The following NPSR1 variants were observed in gnomAD, a reference collection of about 807,000 sequenced individuals.
NPSR1 encodes the protein neuropeptide S receptor.
In NPSR1, 48 loss-of-function variants were observed where a neutral mutation model predicts 46.9. The ratio of observed to expected loss-of-function variants is 1.02; its 90% CI spans 0.81 to 1.30. The LOEUF is 1.30. Ranked by LOEUF, NPSR1 falls within the 50% of genes most tolerant of loss-of-function variation. The pLI is 0.00. For missense variants in NPSR1, 450 were observed against 449.5 expected (o/e 1.00, Z -0.01); for synonymous variants, 176 against 168.1 (o/e 1.05, Z -0.36).
rs777095954 is a variant in NPSR1, at chr7:34,849,688, C to T, written c.*33C>T. ...GGCAGTGCCAGTGCTAGGCTGAGCA[C>T]CATCAGCTCTCCCAGGTCCTTGTCA... On this transcript the variant is annotated 3_prime_UTR_variant, in exon 9 of 9. Transcript: ENST00000360581. The T allele has an allele frequency of 9.3e-6, 15 of 1,610,694 alleles. No individual in the cohort carries two copies. In the South Asian group the frequency reaches 1.7e-4, roughly 18 times the overall value.
At chr7:34,756,347 T>C (rs1245148678) in intron 2 of NPSR1, among the ~76,000 whole-genome samples, 1 of 152,222 alleles carries the variant, frequency 6.6e-6, no homozygotes, top group Non-Finnish European at 1.5e-5. Flanking sequence ...CATGGCAGTT[T>C]AATAATTCCC....
intron 2 of NPSR1, chr7:34,710,842 T>C: frequency 2.0e-6 from 1 of 503,898 alleles, no homozygotes; most frequent in South Asian, 1.6e-5. Flanking sequence ...GAGCTGAAGA[T>C]CAAGCACCTG....
chr7:34,717,881 G>A (rs938153401), intron 2 of NPSR1, among the ~76,000 whole-genome samples: 3 of 152,120 alleles, frequency 2.0e-5, no homozygotes, highest in Non-Finnish European at 2.9e-5. Flanking sequence ...AAGTCAAATC[G>A]CTGCCCTTCT....
chr7:34,793,445 C>T (rs919948437), intron 3 of NPSR1, among the ~76,000 whole-genome samples: 8 of 151,968 alleles, frequency 5.3e-5, no homozygotes, highest in Admixed American at 2.6e-4. Flanking sequence ...AGAAGACATA[C>T]AAATGGGCAA....
chr7:34,665,506 A>T (rs1015756736), intron 1 of NPSR1, among the ~76,000 whole-genome samples: 7 of 152,122 alleles, frequency 4.6e-5, no homozygotes, highest in African/African-American at 1.4e-4. Context: ...GGCCTTTCAC[A>T]TTCTGACCCA....
chr7:34,862,109 G>C (rs971892937), intron 8 of NPSR1, among the ~76,000 whole-genome samples: 2 of 151,696 alleles, frequency 1.3e-5, no homozygotes, highest in African/African-American at 4.9e-5. Flanking sequence ...CACTTCTCTT[G>C]ATGGTGGGGT....
At chr7:34,674,017 T>A (rs1792191313) in intron 1 of NPSR1, among the ~76,000 whole-genome samples, 1 of 151,516 alleles carries the variant, frequency 6.6e-6, no homozygotes, top group Admixed American at 6.6e-5. Flanking sequence ...AGCAGGGGAG[T>A]GGAGGAGAGA....
chr7:34,714,095 A>C (rs1783434447), intron 2 of NPSR1, among the ~76,000 whole-genome samples: 1 of 152,218 alleles, frequency 6.6e-6, no homozygotes, highest in African/African-American at 2.4e-5. Context: ...CACTGTTGGC[A>C]CTGGTGCCAG....
chr7:34,714,124 G>A (rs1783437346), intron 2 of NPSR1, among the ~76,000 whole-genome samples: 1 of 152,236 alleles, frequency 6.6e-6, no homozygotes, highest in East Asian at 1.9e-4. Flanking sequence ...TGGAAGTCTG[G>A]CAAAGATCGC....
At chr7:34,869,875 A>T (rs1791409858) in intron 8 of NPSR1, among the ~76,000 whole-genome samples, 3 of 151,608 alleles carry the variant, frequency 2.0e-5, no homozygotes, top group South Asian at 4.1e-4. Flanking sequence ...TCTCTTCCCT[A>T]CTCTGCATTC....
chr7:34,679,446 G>A (rs912980038), intron 1 of NPSR1, among the ~76,000 whole-genome samples: 4 of 152,012 alleles, frequency 2.6e-5, no homozygotes, highest in South Asian at 2.1e-4. Flanking sequence ...TTAGGAAATA[G>A]TTCAAGGCAA....
intron 2 of NPSR1, chr7:34,711,122 G>T: frequency 3.3e-6 from 1 of 303,926 alleles, no homozygotes; most frequent in South Asian, 3.8e-5. Context: ...TGGAAGCTTT[G>T]TTAAGCTCAA....
intron 1 of NPSR1, among the ~76,000 whole-genome samples, chr7:34,684,259 G>T (rs1412925464): frequency 6.6e-6 from 1 of 152,096 alleles, no homozygotes; most frequent in Non-Finnish European, 1.5e-5. Flanking sequence ...TCTGACAGGG[G>T]TGTTCTTTTT....
At chr7:34,661,679 G>A (rs146447401) in intron 1 of NPSR1, among the ~76,000 whole-genome samples, 13 of 152,228 alleles carry the variant, frequency 8.5e-5, no homozygotes, top group Non-Finnish European at 1.9e-4. Flanking sequence ...GGAGGTCTAG[G>A]GTGGGTTCAC....
chr7:34,689,529 C>T (rs1426981148), intron 2 of NPSR1, among the ~76,000 whole-genome samples: 1 of 139,888 alleles, frequency 7.1e-6, no homozygotes, highest in Admixed American at 7.7e-5. Context: ...GGCATGACCC[C>T]AGGAGGTGGA....
In NPSR1 at chr7:34,789,775, A is replaced by G. The variant is rs1044610839; in HGVS notation, c.384+11210A>G. On this transcript the variant is annotated intron_variant, in intron 3 of 8. Coordinates refer to ENST00000360581, the MANE Select transcript of NPSR1 (RefSeq NM_207172.2). ...AAAAAAAAAAAAAAATAGATAACCT[A>G]GAGGAAATGGATAAGTTCCTAGATA... Among the ~76,000 whole-genome samples the G allele has an allele frequency of 6.1e-4, 92 of 150,448 alleles. 1 individual carries two copies. Among genetic ancestry groups the G allele is most frequent in the Non-Finnish European group, 5.3e-4 (36 of 67,688 alleles).
chr7:34,685,765 C>T (rs1156688246), intron 2 of NPSR1: 2 of 378,448 alleles, frequency 5.3e-6, no homozygotes, highest in African/African-American at 2.2e-5. Flanking sequence ...ACAAGCCCAC[C>T]TGCTTGAGCT....
intron 6 of NPSR1, among the ~76,000 whole-genome samples, chr7:34,840,133 A>T (rs1790512330): frequency 2.0e-5 from 3 of 152,160 alleles, no homozygotes; most frequent in Non-Finnish European, 2.9e-5. Flanking sequence ...GCTCTGGGCT[A>T]AAAACCTCCT....
At chr7:34,692,095 C>G (rs1793292762) in intron 2 of NPSR1, among the ~76,000 whole-genome samples, 1 of 152,020 alleles carries the variant, frequency 6.6e-6, no homozygotes, top group Non-Finnish European at 1.5e-5. Context: ...GCAATCCAGC[C>G]TGGGCAAAAG....
Sources: gnomAD v4.1 joint callset for allele counts (sites outside exome capture counted in the v4.1 genomes callset) on GRCh38, gnomAD v4.1.1 for gene constraint, MANE v1.5 for transcripts, NCBI Gene and HGNC (gene_info 2026-07-23, HGNC 2026-07-21) for gene names.